Variants in CAMK2A observed in about 807,000 individuals in gnomAD.
CAMK2A encodes the protein calcium/calmodulin dependent protein kinase II alpha.
A neutral mutation model predicts 79.2 loss-of-function variants in CAMK2A; 7 were observed. That is an observed-to-expected ratio of 0.09 (90% CI 0.05 to 0.17). CAMK2A has a LOEUF of 0.17. CAMK2A is among the 10% of genes least tolerant of loss of function. The pLI is 1.00. For synonymous variants in CAMK2A, 242 were observed against 251.7 expected, an observed-to-expected ratio of 0.96 and a Z score of 0.36; for missense variants, 214 against 646.4, an observed-to-expected ratio of 0.33 and a Z score of 7.25.
Position 150,248,219 on chromosome 5 carries a change from G to A in CAMK2A, c.901-405C>T, listed in dbSNP as rs573810276. Reference sequence around the variant, plus strand: ...CCTCCACCTCTTAGCCCTCTGCCCCGTGCTGAGAGCATCTTGCTCCAGGAC... The same window carrying A: ...CCTCCACCTCTTAGCCCTCTGCCCCATGCTGAGAGCATCTTGCTCCAGGAC... On this transcript the variant is annotated intron_variant, in intron 11 of 18. Transcript: ENST00000671881. 1.2e-3 allele frequency among the ~76,000 whole-genome samples: 182 copies of A among 151,546 alleles called. 1 individual carries two copies. Among genetic ancestry groups the A allele is most frequent in the African/African-American group, 3.8e-3 (159 of 41,380 alleles).
intron 13 of CAMK2A, among the ~76,000 whole-genome samples, chr5:150,243,899 G>A (rs555020033): frequency 1.3e-5 from 2 of 152,270 alleles, no homozygotes; most frequent in South Asian, 4.2e-4. Flanking sequence ...AAGTGGGTAT[G>A]AGAAGCCCAG....
At chr5:150,258,572 A>G (rs1756163313) in intron 3 of CAMK2A, among the ~76,000 whole-genome samples, 1 of 152,230 alleles carries the variant, frequency 6.6e-6, no homozygotes, top group Non-Finnish European at 1.5e-5. Flanking sequence ...TAAAGGATGT[A>G]TTTAAGTTTA....
At chr5:150,250,586 C>T (rs545077868) in intron 10 of CAMK2A, 102 bp downstream of exon 10, 3 of 1,502,654 alleles carry the variant, frequency 2.0e-6, no homozygotes, top group Middle Eastern at 1.9e-4. Flanking sequence ...GGATTAAGCC[C>T]TCTTGGCCCC....
chr5:150,266,115 C>G (rs1756502737), intron 2 of CAMK2A, among the ~76,000 whole-genome samples: 2 of 152,168 alleles, frequency 1.3e-5, no homozygotes, highest in South Asian at 4.2e-4. Flanking sequence ...AAAGAATCTG[C>G]AGGGGCCCAC....
Position 150,256,653 on chromosome 5 carries a change from G to C in CAMK2A, c.339-8C>G. 1.2e-6 allele frequency: 2 copies of C among 1,613,744 alleles called. No individual in the cohort carries two copies. The highest frequency in any genetic ancestry group is 1.7e-6 in the Non-Finnish European group (2 of 1,179,670). ...ATCTGCTGGATACAGTGACTAGGGA[G>C]AGAGAGAGGAAGGGGTCATGGTGGT... On this transcript the variant is annotated splice_region_variant and splice_polypyrimidine_tract_variant and intron_variant, in intron 5 of 18. Transcript: ENST00000671881. This position sits in a 1 kb window ranked among gnomAD's most constrained non-coding sequence, Gnocchi z 4.6.
Position 150,256,443 on chromosome 5 carries a change from C to G in CAMK2A, c.411+130G>C. Reference sequence around the variant, plus strand: ...CTGAACAGTGGGGAAAATAATCTCACCCACCCCACCTTCCAGCCTAACACA... The same window carrying G: ...CTGAACAGTGGGGAAAATAATCTCAGCCACCCCACCTTCCAGCCTAACACA... On this transcript the variant is annotated intron_variant, in intron 6 of 18. Coordinates refer to ENST00000671881, the MANE Select transcript of CAMK2A (RefSeq NM_015981.4). This position sits in a 1 kb window ranked among gnomAD's most constrained non-coding sequence, Gnocchi z 4.6. 1 of 652,256 alleles carries G rather than the reference C, an allele frequency of 1.5e-6. No homozygotes were observed. Among genetic ancestry groups the G allele is most frequent in the East Asian group, 2.7e-5 (1 of 36,366 alleles). 40.4% of individuals were successfully genotyped at this position (652,256 alleles called of 1,614,324 possible).
intron 3 of CAMK2A, among the ~76,000 whole-genome samples, chr5:150,260,002 C>A (rs564843625): frequency 6.1e-4 from 93 of 152,072 alleles, no homozygotes; most frequent in African/African-American, 2.2e-3. Context: ...AAAAAAAATT[C>A]AAACATACAG....
intron 2 of CAMK2A, 145 bp downstream of exon 2, chr5:150,272,920 T>A: frequency 4.7e-6 from 3 of 638,176 alleles, no homozygotes; most frequent in Non-Finnish European, 8.5e-6. Flanking sequence ...TCTATTCTCA[T>A]GACACCCCGG....
At chr5:150,262,566 T>G (rs1756344312) in intron 3 of CAMK2A, among the ~76,000 whole-genome samples, 1 of 152,056 alleles carries the variant, frequency 6.6e-6, no homozygotes, top group Admixed American at 6.6e-5. Context: ...ACATTCTCAG[T>G]GCCTAGCAGA....
intron 1 of CAMK2A, among the ~76,000 whole-genome samples, chr5:150,275,655 A>G (rs1325179486): frequency 6.6e-6 from 1 of 152,092 alleles, no homozygotes; most frequent in Non-Finnish European, 1.5e-5. Context: ...ACTTACATTT[A>G]CCAGTTGTGC....
chr5:150,282,792 C>T (rs1453394715), intron 1 of CAMK2A, among the ~76,000 whole-genome samples: 4 of 152,228 alleles, frequency 2.6e-5, no homozygotes, highest in East Asian at 1.9e-4. Flanking sequence ...AGGGTAGGGA[C>T]CTAGGGCAGG....
Position 150,256,729 on chromosome 5 carries a change from C to T in CAMK2A, c.338+37G>A, listed in dbSNP as rs1481442579. 2 of 1,609,180 alleles carry T rather than the reference C, an allele frequency of 1.2e-6. No homozygotes were observed. The highest frequency in any genetic ancestry group is 1.7e-6 in the Non-Finnish European group (2 of 1,175,768). On this transcript the variant is annotated intron_variant, in intron 5 of 18. Coordinates refer to ENST00000671881, the MANE Select transcript of CAMK2A (RefSeq NM_015981.4). This position sits in a 1 kb window ranked among gnomAD's most constrained non-coding sequence, Gnocchi z 4.6. ...CTGACAGCAGGCAAGAGTGCCCTGT[C>T]CCCGGGTGCCATTGCCAGGCAGCAC...
chr5:150,249,226 C>T (rs909788010), intron 11 of CAMK2A, among the ~76,000 whole-genome samples: 1 of 152,250 alleles, frequency 6.6e-6, no homozygotes, highest in African/African-American at 2.4e-5. Context: ...AGGGGCCCCT[C>T]AGTGCCTGGC....
chr5:150,266,515 A>G (rs1193469976), intron 2 of CAMK2A, among the ~76,000 whole-genome samples: 1 of 152,200 alleles, frequency 6.6e-6, no homozygotes, highest in Non-Finnish European at 1.5e-5. Flanking sequence ...AGGGCTTTAT[A>G]TGCCTTTCAA....
chr5:150,260,081 C>T (rs933342198), intron 3 of CAMK2A, among the ~76,000 whole-genome samples: 2 of 152,174 alleles, frequency 1.3e-5, no homozygotes, highest in Non-Finnish European at 2.9e-5. Flanking sequence ...TGCATTATTA[C>T]GTTTCTATCC....
Position 150,273,167 on chromosome 5 carries a change from G to C in CAMK2A, c.63-8C>G. ...ACCACCGAGAAGGCTCCCCTAGGAG[G>C]ACAGAGAAGGTGGAGAGGGTGAGGG... On this transcript the variant is annotated splice_polypyrimidine_tract_variant and splice_region_variant and intron_variant, in intron 1 of 18. Coordinates refer to ENST00000671881, the MANE Select transcript of CAMK2A (RefSeq NM_015981.4). 1 of 1,609,676 alleles carries C rather than the reference G, an allele frequency of 6.2e-7. No individual in the cohort carries two copies.
intron 1 of CAMK2A, among the ~76,000 whole-genome samples, chr5:150,276,605 C>T (rs1234751049): frequency 6.6e-6 from 1 of 152,090 alleles, no homozygotes; most frequent in Admixed American, 6.5e-5. Flanking sequence ...TCTCAAAAGC[C>T]CTATGAGAAA....
chr5:150,251,121 C>T (rs1311900475), intron 9 of CAMK2A, among the ~76,000 whole-genome samples: 4 of 152,244 alleles, frequency 2.6e-5, no homozygotes, highest in African/African-American at 9.6e-5. Flanking sequence ...CCTGGCTCTG[C>T]CTCCTGGGCT....
chr5:150,286,261 G>A (rs1757422598), intron 1 of CAMK2A, among the ~76,000 whole-genome samples: 1 of 152,324 alleles, frequency 6.6e-6, no homozygotes, highest in South Asian at 2.1e-4. Flanking sequence ...TCAAGTTCTT[G>A]ACTCATCTGA....
Sources: allele counts gnomAD v4.1 joint callset (sites outside exome capture counted in the v4.1 genomes callset), GRCh38; gene constraint gnomAD v4.1.1; non-coding constraint Gnocchi (gnomAD v3.1); transcripts MANE v1.5; gene names NCBI Gene and HGNC (gene_info 2026-07-23, HGNC 2026-07-21).